Variants in PDE1C observed in about 807,000 individuals in gnomAD.
The protein encoded by PDE1C is dual specificity calcium/calmodulin-dependent 3',5'-cyclic nucleotide phosphodiesterase 1C.
A neutral mutation model predicts 93.1 loss-of-function variants in PDE1C; 62 were observed. The observed-to-expected ratio is 0.67, with a 90% CI of 0.54 to 0.82. PDE1C has a LOEUF of 0.82. PDE1C is among the 40% of genes least tolerant of loss of function. The probability of loss-of-function intolerance (pLI) is 0.00; values close to 1 mark genes in which losing one functional copy is unlikely to be tolerated. For missense variants in PDE1C, 742 were observed against 884.6 expected (o/e 0.84, Z 2.04); for synonymous variants, 325 against 310.1 (o/e 1.05, Z -0.50).
intron 2 of PDE1C, among the ~76,000 whole-genome samples, chr7:31,967,822 G>A (rs1271816914): frequency 1.1e-4 from 16 of 152,132 alleles, no homozygotes; most frequent in Non-Finnish European, 2.2e-4. Flanking sequence ...ATCAATAAAC[G>A]TAATCCAGCA....
At chr7:31,720,644 C>G in the PDE1C span, among the ~76,000 whole-genome samples, 98 of 152,294 alleles carry the variant, frequency 6.4e-4, no homozygotes, top group African/African-American at 2.2e-3. Context: ...TAAAAAAACT[C>G]AATAGCAAAT....
At chr7:31,679,279 G>A in the PDE1C span, among the ~76,000 whole-genome samples, 1 of 152,186 alleles carries the variant, frequency 6.6e-6, no homozygotes, top group Non-Finnish European at 1.5e-5. Flanking sequence ...ATTGGCAAAA[G>A]GCAAGAGAGT....
chr7:32,414,282 A>C (rs1785229144), intron 1 of PDE1C, among the ~76,000 whole-genome samples: 1 of 152,210 alleles, frequency 6.6e-6, no homozygotes, highest in East Asian at 1.9e-4. Flanking sequence ...TACTACCTAC[A>C]CAGAACACTC....
intron 3 of PDE1C, among the ~76,000 whole-genome samples, chr7:32,136,038 T>C (rs2128775967): frequency 6.6e-6 from 1 of 152,334 alleles, no homozygotes; most frequent in East Asian, 1.9e-4. Flanking sequence ...AAATGCTATA[T>C]GATTTCACTT....
At chr7:32,136,262 AC>A (rs1359122404) in intron 3 of PDE1C, among the ~76,000 whole-genome samples, 1 of 152,192 alleles carries the variant, frequency 6.6e-6, no homozygotes, top group African/African-American at 2.4e-5. Flanking sequence ...GTATACATAT[AC>A]CAAATCATCA....
intron 2 of PDE1C, among the ~76,000 whole-genome samples, chr7:32,200,592 A>G (rs1584946601): frequency 6.6e-6 from 1 of 152,154 alleles, no homozygotes; most frequent in East Asian, 1.9e-4. Context: ...ACAACTACCC[A>G]TTTTGCTCAA....
intron 3 of PDE1C, among the ~76,000 whole-genome samples, chr7:32,091,369 C>T (rs1023330881): frequency 1.3e-5 from 2 of 152,220 alleles, no homozygotes; most frequent in South Asian, 2.1e-4. Flanking sequence ...GCTACATTGG[C>T]GACCAGAGCT....
At position 31,964,849 on chromosome 7, in the gene PDE1C, T is replaced by A. The variant is rs531566776; in HGVS notation, c.129-83989A>T. Among the ~76,000 whole-genome samples the A allele has an allele frequency of 1.1e-4, 16 of 152,236 alleles. No individual in the cohort carries two copies. The South Asian group carries it at 3.3e-3, about 32-fold the overall frequency. The stretch of plus-strand genomic sequence containing the variant: ...GTTGCTGATACCCAGGCAAACAGGG[T>A]CTGGAGTGGACCTCCGGCAAACTCC... On this transcript the variant is annotated intron_variant, in intron 2 of 17. Coordinates refer to ENST00000396191, the MANE Select transcript of PDE1C (RefSeq NM_001191057.4).
At chr7:32,424,813 C>G (rs1003241479) in intron 1 of PDE1C, among the ~76,000 whole-genome samples, 1 of 151,918 alleles carries the variant, frequency 6.6e-6, no homozygotes, top group Non-Finnish European at 1.5e-5. Context: ...GGGTGACAGA[C>G]TAAGACCCTG....
chr7:31,946,389 C>A (rs186470361), intron 2 of PDE1C, among the ~76,000 whole-genome samples: 1 of 152,064 alleles, frequency 6.6e-6, no homozygotes, highest in African/African-American at 2.4e-5. Context: ...GGCATAAAAC[C>A]CCTCGTGGCT....
At chr7:32,048,856 C>T (rs1027329407) in intron 2 of PDE1C, among the ~76,000 whole-genome samples, 3 of 152,128 alleles carry the variant, frequency 2.0e-5, no homozygotes, top group African/African-American at 7.2e-5. Context: ...TTCAATAAAG[C>T]TTGTTCAACA....
chr7:32,366,043 C>T (rs1305397706), intron 1 of PDE1C, among the ~76,000 whole-genome samples: 1 of 152,090 alleles, frequency 6.6e-6, no homozygotes, highest in Non-Finnish European at 1.5e-5. Context: ...CATGACACCT[C>T]CAAATGAACA....
intron 1 of PDE1C, among the ~76,000 whole-genome samples, chr7:32,332,693 C>T (rs762329493): frequency 6.6e-6 from 1 of 152,100 alleles, no homozygotes; most frequent in African/African-American, 2.4e-5. Context: ...CAAAGGAATA[C>T]TATGTAGAAA....
chr7:31,636,051 A>T, the PDE1C span, among the ~76,000 whole-genome samples: 2,213 of 152,298 alleles, frequency 0.015, 66 homozygotes, highest in African/African-American at 0.05. Context: ...GCAGCAGGAG[A>T]GAGAATGAGA....
chr7:31,873,037 G>A (rs1213886483), intron 6 of PDE1C, among the ~76,000 whole-genome samples: 1 of 152,150 alleles, frequency 6.6e-6, no homozygotes, highest in East Asian at 1.9e-4. Flanking sequence ...CAGGCTTTGG[G>A]TTGTACTTCC....
At chr7:31,828,420 T>A (rs775435158) in intron 11 of PDE1C, 47 bp from the exon 12 acceptor site, 1 of 1,489,136 alleles carries the variant, frequency 6.7e-7, no homozygotes. Context: ...GTAGGCTGGG[T>A]CACCCAGATT....
intron 15 of PDE1C, among the ~76,000 whole-genome samples, chr7:31,815,101 ACT>A (rs1434501243): frequency 5.3e-5 from 8 of 151,934 alleles, no homozygotes; most frequent in African/African-American, 1.9e-4. Context: ...CTTGAAGCCT[ACT>A]CTGACATTTA....
chr7:31,746,665 G>A (rs1157860762), downstream of PDE1C, among the ~76,000 whole-genome samples: 1 of 152,188 alleles, frequency 6.6e-6, no homozygotes, highest in Admixed American at 6.5e-5. Context: ...TTCAGTGGGG[G>A]AAACCAGTTT....
intron 2 of PDE1C, among the ~76,000 whole-genome samples, chr7:31,917,845 C>A (rs1394958242): frequency 3.3e-5 from 5 of 152,142 alleles, no homozygotes; most frequent in African/African-American, 1.2e-4. Context: ...AATATCTATA[C>A]CTCTGCTCTG....
Sources: allele counts gnomAD v4.1 joint callset (sites outside exome capture counted in the v4.1 genomes callset), GRCh38; gene constraint gnomAD v4.1.1; transcripts MANE v1.5; gene names NCBI Gene and HGNC (gene_info 2026-07-23, HGNC 2026-07-21).